The following CAMK2B variants were observed in gnomAD, a reference collection of about 807,000 sequenced individuals.
The protein encoded by CAMK2B is calcium/calmodulin-dependent protein kinase type II subunit beta.
In CAMK2B, 27 loss-of-function variants were observed where a neutral mutation model predicts 93.7. The observed-to-expected ratio is 0.29, with a 90% CI of 0.21 to 0.40. The LOEUF (loss-of-function observed/expected upper bound fraction) is 0.40, where lower values mean the gene tolerates loss of function less well. CAMK2B is among the 10% of genes least tolerant of loss of function. CAMK2B has a pLI of 1.00. For missense variants in CAMK2B, 568 were observed against 895.8 expected (o/e 0.63, Z 4.67); for synonymous variants, 374 against 358.8 (o/e 1.04, Z -0.48).
intron 1 of CAMK2B, among the ~76,000 whole-genome samples, chr7:44,293,354 C>T (rs1019539095): frequency 6.6e-6 from 1 of 152,236 alleles, no homozygotes; most frequent in Non-Finnish European, 1.5e-5. Flanking sequence ...CAAATTCCCC[C>T]ATATGCCCTG....
At chr7:44,281,706 G>A (rs1354198008) in intron 2 of CAMK2B, among the ~76,000 whole-genome samples, 1 of 152,162 alleles carries the variant, frequency 6.6e-6, no homozygotes, top group African/African-American at 2.4e-5. Context: ...CTCAGTCTCT[G>A]GAGCCTTACT....
At chr7:44,239,912 G>A (rs1441851521) in intron 12 of CAMK2B, among the ~76,000 whole-genome samples, 1 of 152,158 alleles carries the variant, frequency 6.6e-6, no homozygotes, top group African/African-American at 2.4e-5. Context: ...CCCAAAGGGT[G>A]TGGTGAGCAC....
At chr7:44,273,017 C>G (rs887028304) in intron 2 of CAMK2B, among the ~76,000 whole-genome samples, 1 of 152,176 alleles carries the variant, frequency 6.6e-6, no homozygotes, top group Non-Finnish European at 1.5e-5. Context: ...CCAGTGAAAC[C>G]AGGAAGGCCC....
rs1453014605 is a variant in CAMK2B, at chr7:44,224,625, T to A, written c.1597+1891A>T. Among the ~76,000 whole-genome samples the A allele has an allele frequency of 6.6e-6, 1 of 152,064 alleles. No homozygotes were observed. Among genetic ancestry groups the A allele is most frequent in the African/African-American group, 2.4e-5 (1 of 41,412 alleles). On this transcript the variant is annotated intron_variant, in intron 20 of 23. Coordinates refer to ENST00000395749, the MANE Select transcript of CAMK2B (RefSeq NM_001220.5). The surrounding 1 kb of genome is among the most constrained non-coding windows in gnomAD (Gnocchi z 4.4). ...GCGTCCAGGTGGGGTCAGAGCAGGTTCTCATCCTGGCCTGGACTCCTGGGA... is the reference window on the plus strand; with the variant it reads ...GCGTCCAGGTGGGGTCAGAGCAGGTACTCATCCTGGCCTGGACTCCTGGGA...
rs1046357445 is a variant in CAMK2B at position 44,302,367 on chromosome 7, T to C, written c.66-18142A>G. Among the ~76,000 whole-genome samples, 20 of 152,246 alleles carry C rather than the reference T, an allele frequency of 1.3e-4. 1 individual carries two copies. The highest frequency in any genetic ancestry group is 1.2e-3 in the Admixed American group (19 of 15,294). On this transcript the variant is annotated intron_variant, in intron 1 of 23. Transcript: ENST00000395749. ...ATTCTCTAAAATCTCTTTTAGAAAATAGAAGCAGCAAGAATACTTCCTAAC... is the reference window on the plus strand; with the variant it reads ...ATTCTCTAAAATCTCTTTTAGAAAACAGAAGCAGCAAGAATACTTCCTAAC...
chr7:44,229,036 G>C, intron 18 of CAMK2B, 112 bp from the exon 19 acceptor site: 2 of 1,030,740 alleles, frequency 1.9e-6, no homozygotes, highest in Non-Finnish European at 3.0e-6. Context: ...TTGGGCCCTG[G>C]GATCAGGCCC....
At chr7:44,320,461 G>A (rs1795812219) in intron 1 of CAMK2B, among the ~76,000 whole-genome samples, 1 of 152,144 alleles carries the variant, frequency 6.6e-6, no homozygotes, top group Admixed American at 6.5e-5. Context: ...CCTGGGGAAT[G>A]GGGCTTCTCT....
chr7:44,225,776 T>C lies in CAMK2B; in HGVS notation c.1597+740A>G. 7.8e-7 allele frequency: 1 copy of C among 1,289,484 alleles called. No homozygotes were observed. The highest frequency in any genetic ancestry group is 1.2e-5 in the South Asian group (1 of 81,024). The allele number at this position is 1,289,484 out of a possible 1,614,324, so 79.9% of individuals were successfully genotyped here. On this transcript the variant is annotated intron_variant, in intron 20 of 23. Transcript: ENST00000395749. This position sits in a 1 kb window ranked among gnomAD's most constrained non-coding sequence, Gnocchi z 5.0. ...TCAAGTACTTACCTAGCCACTGCCC[T>C]GCCATGCCGAGCCCGTGGCCCAGCA...
intron 1 of CAMK2B, among the ~76,000 whole-genome samples, chr7:44,290,455 A>G (rs1269704203): frequency 6.6e-6 from 1 of 152,196 alleles, no homozygotes; most frequent in East Asian, 1.9e-4. Context: ...TAAATTAATA[A>G]AGGGTTGTTC....
chr7:44,291,100 A>G (rs1786669817), intron 1 of CAMK2B, among the ~76,000 whole-genome samples: 1 of 152,146 alleles, frequency 6.6e-6, no homozygotes, highest in Non-Finnish European at 1.5e-5. Flanking sequence ...GCTGTTAATG[A>G]AGCCTCAACA....
At chr7:44,313,994 G>A (rs946407062) in intron 1 of CAMK2B, among the ~76,000 whole-genome samples, 8 of 152,006 alleles carry the variant, frequency 5.3e-5, no homozygotes, top group Non-Finnish European at 7.4e-5. Flanking sequence ...AGGGGAGGCC[G>A]CCCACCCTGA....
Position 44,228,811 on chromosome 7 carries a change from G to A in CAMK2B, c.1453C>T (p.Pro485Ser), listed in dbSNP as rs1296591384. 3 of 1,516,054 alleles carry A rather than the reference G, an allele frequency of 2.0e-6. No individual in the cohort carries two copies. The highest frequency in any genetic ancestry group is 1.8e-6 in the Non-Finnish European group (2 of 1,137,092). 93.9% of individuals were successfully genotyped at this position (1,516,054 alleles called of 1,614,324 possible). A position where few individuals can be genotyped will look rare whatever the true frequency, so the allele number is the denominator to read the frequency against. Residue 485 changes from proline (P) to serine (S), a missense_variant, in exon 19 of 24, where the codon CCC (proline) becomes TCC (serine). By Grantham distance (74) the Pro-to-Ser change is moderately conservative. Around this residue, in one of 4 missense-constraint regions of CAMK2B, gnomAD observed 308 missense variants for 292.1 expected, o/e 1.05. Coordinates refer to ENST00000395749, the MANE Select transcript of CAMK2B (RefSeq NM_001220.5). ...PPCLSPALLG[P>S]LSSPSPRISD... is the part of the protein sequence containing the mutation. ...CACTACTTACACGGGGAGGACAGGG[G>A]GCCTAGGAGAGCCGGAGACAGGCAG...
intron 5 of CAMK2B, among the ~76,000 whole-genome samples, chr7:44,249,005 G>A (rs751125277): frequency 9.2e-5 from 14 of 152,038 alleles, no homozygotes; most frequent in Non-Finnish European, 1.3e-4. Context: ...CCCATTTGTT[G>A]AAACATCCTC....
chr7:44,295,305 G>C (rs1788001461), intron 1 of CAMK2B, among the ~76,000 whole-genome samples: 1 of 152,224 alleles, frequency 6.6e-6, no homozygotes, highest in African/African-American at 2.4e-5. Context: ...CAGACAAAAA[G>C]CTAAACAAAC....
chr7:44,260,505 C>T (rs967882404), intron 3 of CAMK2B, among the ~76,000 whole-genome samples: 1 of 152,226 alleles, frequency 6.6e-6, no homozygotes, highest in Non-Finnish European at 1.5e-5. Flanking sequence ...CTGCCACTTG[C>T]ACTGGCTGTG....
At position 44,246,504 on chromosome 7, in the gene CAMK2B, C is replaced by T. The variant is rs1388850271; in HGVS notation, c.414+616G>A. On this transcript the variant is annotated intron_variant, in intron 6 of 23. Coordinates refer to ENST00000395749, the MANE Select transcript of CAMK2B (RefSeq NM_001220.5). ...ACATGTACACATTCACATATGCATGCGCATGAACATGCCCACACATGTACA... is the reference window on the plus strand; with the variant it reads ...ACATGTACACATTCACATATGCATGTGCATGAACATGCCCACACATGTACA... Among the ~76,000 whole-genome samples, 11 of 152,124 alleles carry T rather than the reference C, an allele frequency of 7.2e-5. 1 individual carries two copies. Among genetic ancestry groups the T allele is most frequent in the South Asian group, 6.2e-4 (3 of 4,824 alleles).
At chr7:44,295,323 C>G (rs973245900) in intron 1 of CAMK2B, among the ~76,000 whole-genome samples, 18 of 152,230 alleles carry the variant, frequency 1.2e-4, no homozygotes, top group Admixed American at 1.0e-3. Context: ...AACTGAAAAT[C>G]AACAACTCTT....
At chr7:44,249,045 C>T (rs2096756070) in intron 5 of CAMK2B, among the ~76,000 whole-genome samples, 1 of 152,166 alleles carries the variant, frequency 6.6e-6, no homozygotes, top group Non-Finnish European at 1.5e-5. Flanking sequence ...CTAGAGACTT[C>T]CTGGCCTCTC....
rs1332856512 is a variant in CAMK2B at position 44,325,555 on chromosome 7, C to G, written c.-134G>C. 1 of 336,020 alleles carries G rather than the reference C, an allele frequency of 3.0e-6. No homozygotes were observed. Among genetic ancestry groups the G allele is most frequent in the Non-Finnish European group, 4.2e-6 (1 of 238,944 alleles). The allele number at this position is 336,020 out of a possible 1,614,324, so 20.8% of individuals were successfully genotyped here. The stretch of plus-strand genomic sequence containing the variant: ...TCGGCTCGCGGCGCCAGGCGGGGGC[C>G]GGGCTGGGCTGCGCCGGGCGGCGAG... On this transcript the variant is annotated 5_prime_UTR_variant, in exon 1 of 24. Coordinates refer to ENST00000395749, the MANE Select transcript of CAMK2B (RefSeq NM_001220.5).
Sources: gnomAD v4.1 joint callset for allele counts (sites outside exome capture counted in the v4.1 genomes callset) on GRCh38, gnomAD v4.1.1 for gene constraint, gnomAD v4.1.1 regional missense constraint, Gnocchi (gnomAD v3.1) non-coding constraint, MANE v1.5 for transcripts, NCBI Gene and HGNC (gene_info 2026-07-23, HGNC 2026-07-21) for gene names.